Variants in NOP9 observed in about 807,000 individuals in gnomAD.
NOP9 encodes nucleolar protein 9.
A neutral mutation model predicts 63.0 loss-of-function variants in NOP9; 50 were observed. That is an observed-to-expected ratio of 0.79 (90% CI 0.63 to 1.00). The LOEUF is 1.00. NOP9 is among the 50% of genes least tolerant of loss of function. NOP9 has a pLI of 0.00. For missense variants in NOP9, 758 were observed against 803.0 expected (o/e 0.94, Z 0.68); for synonymous variants, 343 against 332.8 (o/e 1.03, Z -0.33).
chr14:24,271,374 A>C, the NOP9 span: 1 of 390,830 alleles, frequency 2.6e-6, no homozygotes, highest in Non-Finnish European at 4.5e-6. Context: ...CGCCCGGGCC[A>C]GAGCGCGAGC....
Position 24,307,594 on chromosome 14 carries a change from C to G in NOP9, c.*2499C>G. 6.6e-7 allele frequency: 1 copy of G among 1,513,328 alleles called. No individual in the cohort carries two copies. Among genetic ancestry groups the G allele is most frequent in the Admixed American group, 1.8e-5 (1 of 56,014 alleles). 93.7% of individuals were successfully genotyped at this position (1,513,328 alleles called of 1,614,324 possible). A position where few individuals can be genotyped will look rare whatever the true frequency, so the allele number is the denominator to read the frequency against. On this transcript the variant is annotated 3_prime_UTR_variant, in exon 10 of 10. Transcript: ENST00000267425. ...AAAGGGCATGATGAGGGTAGAGTGGCTAGAGGGCTAGGGAGGGAGAGATCT... is the reference window on the plus strand; with the variant it reads ...AAAGGGCATGATGAGGGTAGAGTGGGTAGAGGGCTAGGGAGGGAGAGATCT...
At chr14:24,298,662 C>G (rs1021423950), upstream of NOP9, 3 of 298,308 alleles carry the variant, frequency 1.0e-5, no homozygotes, top group Non-Finnish European at 1.9e-5. Flanking sequence ...GATCATGGCT[C>G]AACTCCTAGG....
the NOP9 span, among the ~76,000 whole-genome samples, chr14:24,277,349 A>G: frequency 1.3e-5 from 2 of 152,130 alleles, no homozygotes. Context: ...AGGCAGAAGA[A>G]GTCAGCGTGG....
At chr14:24,302,691 G>C (rs1745034061) in intron 5 of NOP9, among the ~76,000 whole-genome samples, 1 of 152,188 alleles carries the variant, frequency 6.6e-6, no homozygotes, top group African/African-American at 2.4e-5. Flanking sequence ...CCAGACTCTG[G>C]TACTTGGCTA....
chr14:24,291,361 T>C, the NOP9 span: 13 of 1,090,502 alleles, frequency 1.2e-5, no homozygotes, highest in Non-Finnish European at 1.7e-5. Context: ...CTTGGACTTT[T>C]TCCACACTTC....
chr14:24,300,095 G>C lies in NOP9; in HGVS notation c.141G>C (p.Ser47=), dbSNP rs768214653. 6.2e-7 allele frequency: 1 copy of C among 1,613,272 alleles called. No individual in the cohort carries two copies. Among genetic ancestry groups the C allele is most frequent in the South Asian group, 1.1e-5 (1 of 91,072 alleles). ...CCTGGCCGCCTCCGGATGGGCGCTC[G>C]GAGCCGGCTCCAGATTCGCACCCGC... The part of the protein sequence containing the change: ...RQPWPPPDGR[S]EPAPDSHPHL... The change falls in exon 1 of 10, where the codon TCG becomes TCC. Residue 47 remains serine (S), a synonymous_variant. Transcript: ENST00000267425.
rs778042111 is a variant in NOP9, at chr14:24,300,840, G to A, written c.680G>A (p.Arg227His). 1.9e-6 allele frequency: 3 copies of A among 1,612,894 alleles called. No individual in the cohort carries two copies. The South Asian group carries it at 3.3e-5, about 18-fold the overall frequency. ...CTGGAGTCTGAGAGAGCCAGGCCCC[G>A]TGGTTCCCAATCATCTGGTAAGTAT... ...TILESERARP[R>H]GSQSSEAQKT... is the part of the protein sequence containing the mutation. Residue 227 changes from arginine (R) to histidine (H), a missense_variant, in exon 2 of 10, where the codon CGT becomes CAT. Arg to His is a conservative substitution (Grantham distance 29). Transcript: ENST00000267425.
rs566630689 is a variant in NOP9, at chr14:24,305,066, C to T, written c.1882C>T (p.Arg628Trp). 3.0e-5 allele frequency: 47 copies of T among 1,575,556 alleles called. No homozygotes were observed. Among genetic ancestry groups the T allele is most frequent in the African/African-American group, 8.2e-5 (6 of 73,326 alleles). ...QQQGAVAKRR[R>W]ALNSILED is the part of the protein sequence containing the mutation. ...GCAGGGTGCGGTGGCCAAGCGGAGG[C>T]GGGCATTGAACTCCATACTTGAAGA... The change falls in exon 10 of 10, where the codon CGG (arginine) becomes TGG (tryptophan). Residue 628 changes from arginine (R) to tryptophan (W), a missense_variant. By Grantham distance (101) the Arg-to-Trp change is moderately radical. Coordinates refer to ENST00000267425, the MANE Select transcript of NOP9 (RefSeq NM_174913.3).
chr14:24,274,179 C>T, the NOP9 span, among the ~76,000 whole-genome samples: 1 of 152,136 alleles, frequency 6.6e-6, no homozygotes, highest in African/African-American at 2.4e-5. Flanking sequence ...TGTGCACACT[C>T]ATAGGCGCAA....
chr14:24,292,262 C>G, the NOP9 span: 1 of 1,614,190 alleles, frequency 6.2e-7, no homozygotes, highest in South Asian at 1.1e-5. Flanking sequence ...CAATCCCCGG[C>G]CACAGAGACA....
At chr14:24,303,016 G>T in intron 5 of NOP9, 58 bp from the exon 6 acceptor site, 1 of 1,478,674 alleles carries the variant, frequency 6.8e-7, no homozygotes, top group South Asian at 1.4e-5. Context: ...AGATTTCTCT[G>T]AATAATGTGG....
the NOP9 span, among the ~76,000 whole-genome samples, chr14:24,284,843 C>T: frequency 6.6e-6 from 1 of 152,144 alleles, no homozygotes; most frequent in Non-Finnish European, 1.5e-5. Flanking sequence ...CCACTGGGCC[C>T]TCGTGTGTGC....
Position 24,306,278 on chromosome 14 carries a change from G to A in NOP9, c.*1183G>A, listed in dbSNP as rs2041504392. On this transcript the variant is annotated 3_prime_UTR_variant, in exon 10 of 10. Transcript: ENST00000267425. The stretch of plus-strand genomic sequence containing the variant: ...CCTTGACAATTCCACAACTCCTCCT[G>A]CACCTGGTCCCCAGGATCAGGGTTA... 2 of 1,554,246 alleles carry A rather than the reference G, an allele frequency of 1.3e-6. No homozygotes were observed. Among genetic ancestry groups the A allele is most frequent in the East Asian group, 2.2e-5 (1 of 44,450 alleles).
Position 24,307,452 on chromosome 14 carries a change from C to T in NOP9, c.*2357C>T. 2 of 1,614,118 alleles carry T rather than the reference C, an allele frequency of 1.2e-6. No homozygotes were observed. Among genetic ancestry groups the T allele is most frequent in the Non-Finnish European group, 1.7e-6 (2 of 1,180,006 alleles). ...TGTGATCACAGACACGGAAAGGTCG[C>T]TGGGGTGGTGGAGCTGAGGTCCAGA... On this transcript the variant is annotated 3_prime_UTR_variant, in exon 10 of 10. Coordinates refer to ENST00000267425, the MANE Select transcript of NOP9 (RefSeq NM_174913.3).
chr14:24,282,069 T>G, the NOP9 span, among the ~76,000 whole-genome samples: 1 of 152,044 alleles, frequency 6.6e-6, no homozygotes, highest in South Asian at 2.1e-4. Flanking sequence ...ATGATGTAAT[T>G]CCATGCTACT....
At chr14:24,281,080 T>C in the NOP9 span, among the ~76,000 whole-genome samples, 1 of 152,204 alleles carries the variant, frequency 6.6e-6, no homozygotes, top group South Asian at 2.1e-4. Flanking sequence ...GCTTGAGCTC[T>C]GTGCCTGGCA....
At chr14:24,275,466 C>A in the NOP9 span, among the ~76,000 whole-genome samples, 1 of 152,188 alleles carries the variant, frequency 6.6e-6, no homozygotes, top group African/African-American at 2.4e-5. Flanking sequence ...GTGAGAGTGA[C>A]CATTGCCAGA....
chr14:24,297,919 T>C (rs1254558293), upstream of NOP9, among the ~76,000 whole-genome samples: 1 of 152,236 alleles, frequency 6.6e-6, no homozygotes, highest in Non-Finnish European at 1.5e-5. Context: ...TCCTATGTCA[T>C]CTGGATGCTC....
chr14:24,296,385 T>C, upstream of NOP9: 2 of 907,322 alleles, frequency 2.2e-6, no homozygotes, highest in Non-Finnish European at 3.5e-6. Context: ...ACAAATGGAA[T>C]GGAAGGGAGA....
Sources: allele counts gnomAD v4.1 joint callset (sites outside exome capture counted in the v4.1 genomes callset), GRCh38; gene constraint gnomAD v4.1.1; transcripts MANE v1.5; gene names NCBI Gene and HGNC (gene_info 2026-07-23, HGNC 2026-07-21).